Variants in ARHGAP5 observed in about 807,000 individuals in gnomAD.
The protein encoded by ARHGAP5 is rho GTPase-activating protein 5.
A neutral mutation model predicts 116.6 loss-of-function variants in ARHGAP5; 23 were observed. The ratio of observed to expected loss-of-function variants is 0.20; its 90% confidence interval spans 0.14 to 0.28. The LOEUF (loss-of-function observed/expected upper bound fraction) is 0.28, where lower values mean the gene tolerates loss of function less well. Among genes scored for constraint, ARHGAP5 ranks in the 10% least tolerant of loss-of-function variants. The pLI, the probability that ARHGAP5 is intolerant of heterozygous loss-of-function variation, is 1.00. For missense variants in ARHGAP5, 1,405 were observed against 1,774.8 expected (o/e 0.79, Z 3.74); for synonymous variants, 574 against 602.0 (o/e 0.95, Z 0.68).
At chr14:32,079,358 C>T (rs760794414) in intron 1 of ARHGAP5, among the ~76,000 whole-genome samples, 8 of 152,106 alleles carry the variant, frequency 5.3e-5, no homozygotes, top group Non-Finnish European at 7.4e-5. Context: ...ATTCTGTTAT[C>T]TTTATGAGTT....
chr14:32,134,660 A>G (rs1880691765), intron 3 of ARHGAP5, among the ~76,000 whole-genome samples: 1 of 152,240 alleles, frequency 6.6e-6, no homozygotes, highest in African/African-American at 2.4e-5. Flanking sequence ...TATCACACAT[A>G]CATACTCTAA....
rs192397018 is a variant in ARHGAP5, at chr14:32,137,133, A to C, written c.3866-9130A>C. On this transcript the variant is annotated intron_variant, in intron 3 of 6. Transcript: ENST00000345122. ...TATTGTTGCTCATGCTGTTGGTATCATAAATAAGAATTTATTGGCAAAATC... is the reference window on the plus strand; with the variant it reads ...TATTGTTGCTCATGCTGTTGGTATCCTAAATAAGAATTTATTGGCAAAATC... Among the ~76,000 whole-genome samples the C allele has an allele frequency of 2.7e-4, 41 of 151,722 alleles. No individual in the cohort carries two copies. The East Asian group carries it at 7.5e-3, about 28-fold the overall frequency.
intron 3 of ARHGAP5, among the ~76,000 whole-genome samples, chr14:32,140,094 G>GTTTTTTTTTTTTTTTTTTT (rs1566681674): frequency 3.1e-5 from 1 of 32,450 alleles, no homozygotes; most frequent in African/African-American, 1.4e-4. Flanking sequence ...TAGGTTATTT[G>GTTTTTTTTTTTTTTTTTTT]TTCTTTTTTT....
Position 32,156,124 on chromosome 14 carries a change from C to T in ARHGAP5, c.*1176C>T, listed in dbSNP as rs1881884514. 1 of 152,152 alleles carries T rather than the reference C, an allele frequency of 6.6e-6. No individual in the cohort carries two copies. The highest frequency in any genetic ancestry group is 1.5e-5 in the Non-Finnish European group (1 of 67,822). 9.4% of individuals were successfully genotyped at this position (152,152 alleles called of 1,614,324 possible). ...GCACCATTTTTAAGCCAATTTTTTC[C>T]TTTGATGTTGGTACCAGAATTACTA... On this transcript the variant is annotated 3_prime_UTR_variant, in exon 7 of 7. Coordinates refer to ENST00000345122, the MANE Select transcript of ARHGAP5 (RefSeq NM_001030055.2).
In ARHGAP5 at chr14:32,093,465, T is replaced by G; in HGVS notation, c.2796T>G (p.Thr932=). The G allele has an allele frequency of 6.2e-7, 1 of 1,613,234 alleles. No individual in the cohort carries two copies. Among genetic ancestry groups the G allele is most frequent in the Non-Finnish European group, 8.5e-7 (1 of 1,179,754 alleles). The change falls in exon 2 of 7, where the codon ACT becomes ACG. Residue 932 remains threonine, a synonymous_variant. Transcript: ENST00000345122. ...SQYHRQTEVF[T]LFFSDVLEKK... is the part of the protein sequence containing the mutation. ...ATCATCGGCAAACTGAGGTCTTTACTCTGTTTTTTAGTGATGTTCTAGAGA... is the reference window on the plus strand; with the variant it reads ...ATCATCGGCAAACTGAGGTCTTTACGCTGTTTTTTAGTGATGTTCTAGAGA...
At chr14:32,109,040 C>T (rs114551237) in intron 2 of ARHGAP5, among the ~76,000 whole-genome samples, 1,532 of 152,168 alleles carry the variant, frequency 0.01, 21 homozygotes, top group African/African-American at 0.035. Context: ...AGATCATTGT[C>T]AAGTGAGTTT....
chr14:32,085,501 A>G (rs1375327549), intron 1 of ARHGAP5, among the ~76,000 whole-genome samples: 2 of 152,216 alleles, frequency 1.3e-5, no homozygotes, highest in Non-Finnish European at 2.9e-5. Context: ...CACTCTGTTC[A>G]TCTTTTTGTT....
At chr14:32,119,270 A>C (rs1173814263) in intron 3 of ARHGAP5, among the ~76,000 whole-genome samples, 1 of 152,040 alleles carries the variant, frequency 6.6e-6, no homozygotes, top group East Asian at 1.9e-4. Flanking sequence ...TAACCTTCTT[A>C]TATTTAAGGT....
intron 3 of ARHGAP5, among the ~76,000 whole-genome samples, chr14:32,120,355 G>A (rs1012284669): frequency 6.6e-6 from 1 of 151,770 alleles, no homozygotes; most frequent in Non-Finnish European, 1.5e-5. Flanking sequence ...CACTTCAAAG[G>A]ACTAGCTTTT....
At chr14:32,121,222 C>G (rs113512385) in intron 3 of ARHGAP5, among the ~76,000 whole-genome samples, 13,488 of 151,894 alleles carry the variant, frequency 0.089, 1,989 homozygotes, top group African/African-American at 0.3. Context: ...TCCCCAGCCT[C>G]GTCTCAAACT....
rs1178854994 is a variant in ARHGAP5, at chr14:32,091,991, T to C, written c.1322T>C (p.Ile441Thr). The change falls in exon 2 of 7, where the codon ATT becomes ACT. Residue 441 changes from isoleucine (I) to threonine (T), a missense_variant. Ile to Thr is a moderately conservative substitution (Grantham distance 89). Transcript: ENST00000345122. ...KEKFKKTLEK[I>T]QFISPGQPWE... is the part of the protein sequence containing the mutation. The stretch of plus-strand genomic sequence containing the variant: ...AAATTCAAAAAGACTTTGGAAAAAA[T>C]TCAATTCATTTCACCAGGGCAGCCA... 1 of 1,613,340 alleles carries C rather than the reference T, an allele frequency of 6.2e-7. No homozygotes were observed. Among genetic ancestry groups the C allele is most frequent in the Admixed American group, 1.7e-5 (1 of 59,942 alleles).
intron 1 of ARHGAP5, among the ~76,000 whole-genome samples, chr14:32,079,393 C>G (rs2041749203): frequency 6.6e-6 from 1 of 152,140 alleles, no homozygotes; most frequent in Admixed American, 6.5e-5. Flanking sequence ...CCCATTTAAA[C>G]GACCTTAGCA....
chr14:32,141,616 G>C (rs560851893), intron 3 of ARHGAP5, among the ~76,000 whole-genome samples: 1 of 152,172 alleles, frequency 6.6e-6, no homozygotes, highest in East Asian at 1.9e-4. Context: ...ATGGCTTCAA[G>C]TTACTGTCTA....
rs1331492029 is a variant in ARHGAP5 at position 32,158,155 on chromosome 14, CTA to C, written c.*3209_*3210del. On this transcript the variant is annotated 3_prime_UTR_variant, in exon 7 of 7. Coordinates refer to ENST00000345122, the MANE Select transcript of ARHGAP5 (RefSeq NM_001030055.2). ...GTGTAATTTTAAGTTATAGTTGCCT[CTA>C]TTTTTACCATTTCATTGGTAAAAAT... 2 of 151,420 alleles carry C rather than the reference CTA, an allele frequency of 1.3e-5. No individual in the cohort carries two copies. 9.4% of individuals were successfully genotyped at this position (151,420 alleles called of 1,614,324 possible). A position where few individuals can be genotyped will look rare whatever the true frequency, so the allele number is the denominator to read the frequency against.
intron 3 of ARHGAP5, among the ~76,000 whole-genome samples, chr14:32,141,673 A>G (rs768078000): frequency 1.3e-5 from 2 of 152,080 alleles, no homozygotes; most frequent in South Asian, 2.1e-4. Context: ...TCTCTTTACC[A>G]TATCTTGTAG....
intron 3 of ARHGAP5, among the ~76,000 whole-genome samples, chr14:32,133,029 A>C (rs1055068154): frequency 2.6e-5 from 4 of 152,200 alleles, no homozygotes; most frequent in African/African-American, 9.7e-5. Flanking sequence ...TGATGCCTCC[A>C]GCTTTGTTCT....
intron 2 of ARHGAP5, among the ~76,000 whole-genome samples, chr14:32,097,628 A>G (rs1878592706): frequency 6.6e-6 from 1 of 152,214 alleles, no homozygotes; most frequent in Admixed American, 6.5e-5. Flanking sequence ...AGCAAAAGAT[A>G]AGAAAAAGAA....
In ARHGAP5 at chr14:32,094,318, A is replaced by G. The variant is rs1878415281; in HGVS notation, c.3649A>G (p.Thr1217Ala). The G allele has an allele frequency of 6.2e-7, 1 of 1,607,102 alleles. No homozygotes were observed. Among genetic ancestry groups the G allele is most frequent in the Non-Finnish European group, 8.5e-7 (1 of 1,178,372 alleles). Residue 1217 changes from threonine to alanine, a missense_variant, in exon 2 of 7, where the codon ACT (threonine) becomes GCT (alanine). Around this residue, in one of 6 missense-constraint regions of ARHGAP5, gnomAD observed 176 missense variants for 221.2 expected, o/e 0.80. Coordinates refer to ENST00000345122, the MANE Select transcript of ARHGAP5 (RefSeq NM_001030055.2). ...AGGTGGTATTGATAATCCTGCAATC[A>G]CTTCTGACCAGGAGTTAGATGATAA... ...WKGGIDNPAI[T>A]SDQELDDKKM...
intron 1 of ARHGAP5, among the ~76,000 whole-genome samples, chr14:32,081,751 T>C (rs982275041): frequency 6.6e-6 from 1 of 152,166 alleles, no homozygotes; most frequent in African/African-American, 2.4e-5. Flanking sequence ...CCTTGGCTTC[T>C]GATATGGCAT....
Sources: gnomAD v4.1 joint callset for allele counts (sites outside exome capture counted in the v4.1 genomes callset) on GRCh38, gnomAD v4.1.1 for gene constraint, gnomAD v4.1.1 regional missense constraint, MANE v1.5 for transcripts, NCBI Gene and HGNC (gene_info 2026-07-23, HGNC 2026-07-21) for gene names.